Variants in ZNF841 observed in about 807,000 individuals in gnomAD.
The protein encoded by ZNF841 is zinc finger protein 841.
In ZNF841, 11 loss-of-function variants were observed where a neutral mutation model predicts 13.0. The observed-to-expected ratio is 0.85, with a 90% confidence interval of 0.53 to 1.40. The LOEUF (loss-of-function observed/expected upper bound fraction) is 1.40, where lower values mean the gene tolerates loss of function less well. Ranked by LOEUF, ZNF841 falls within the 40% of genes most tolerant of loss-of-function variation. The pLI is 0.00. For synonymous variants in ZNF841, 369 were observed against 381.6 expected, an observed-to-expected ratio of 0.97 and a Z score of 0.38; for missense variants, 1,068 against 1,139.5, an observed-to-expected ratio of 0.94 and a Z score of 0.90.
At chr19:52,082,298 A>G (rs933631318) in intron 4 of ZNF841, among the ~76,000 whole-genome samples, 8 of 152,184 alleles carry the variant, frequency 5.3e-5, no homozygotes, top group Admixed American at 1.3e-4. Flanking sequence ...ACTGTTGTAT[A>G]AAAAAAGAAC....
chr19:52,087,773 G>T (rs2088326424), intron 3 of ZNF841, among the ~76,000 whole-genome samples: 1 of 151,924 alleles, frequency 6.6e-6, no homozygotes, highest in Admixed American at 6.6e-5. Flanking sequence ...ATCACCTGAG[G>T]TCAGGAGATT....
chr19:52,086,881 A>C lies in ZNF841; in HGVS notation c.-77-2003T>G, dbSNP rs569153557. On this transcript the variant is annotated intron_variant, in intron 3 of 6. Transcript: ENST00000594440. ...AGTTATCAGTGGAATGGTGGATATG[A>C]AAGTTTCATCCAATGCATTCAAGAC... Among the ~76,000 whole-genome samples the C allele has an allele frequency of 9.2e-5, 14 of 152,376 alleles. No individual in the cohort carries two copies. The South Asian group carries it at 1.7e-3, about 18-fold the overall frequency.
downstream of ZNF841, among the ~76,000 whole-genome samples, chr19:52,059,929 T>C (rs1237904987): frequency 1.3e-5 from 2 of 152,196 alleles, no homozygotes; most frequent in Middle Eastern, 3.2e-3. Flanking sequence ...AGTGTGACTT[T>C]TGTAACTTTA....
At chr19:52,091,948 G>A (rs899407581) in intron 2 of ZNF841, among the ~76,000 whole-genome samples, 1 of 152,158 alleles carries the variant, frequency 6.6e-6, no homozygotes, top group Non-Finnish European at 1.5e-5. Context: ...TCAGGAGTTC[G>A]AGACCAGCCT....
intron 1 of ZNF841, among the ~76,000 whole-genome samples, chr19:52,094,812 G>A (rs1057283388): frequency 1.3e-5 from 2 of 151,792 alleles, no homozygotes; most frequent in East Asian, 1.9e-4. Context: ...CTCCTTTGCC[G>A]CCCCACTCTA....
Position 52,066,095 on chromosome 19 carries a change from G to A in ZNF841, c.1787C>T (p.Pro596Leu), listed in dbSNP as rs909187008. ...CTTGCCACACACATTACATTTGTAA[G>A]GTTTCTCTCCGGTATGCATTCTTTG... ...RHQRMHTGEK[P>L]YKCNVCGKVF... The change falls in exon 7 of 7, where the codon CCT (proline) becomes CTT (leucine). Residue 596 changes from proline (P) to leucine (L), a missense_variant. Coordinates refer to ENST00000594440, the MANE Select transcript of ZNF841 (RefSeq NM_001136499.2). The A allele has an allele frequency of 6.2e-7, 1 of 1,614,176 alleles. No homozygotes were observed. The highest frequency in any genetic ancestry group is 8.5e-7 in the Non-Finnish European group (1 of 1,180,026).
chr19:52,092,527 T>G (rs374317803), intron 2 of ZNF841, among the ~76,000 whole-genome samples: 30 of 152,184 alleles, frequency 2.0e-4, no homozygotes, highest in East Asian at 1.7e-3. Flanking sequence ...AATGAGCCCT[T>G]GTACACTGTT....
chr19:52,074,066 GA>G (rs1320657544), intron 6 of ZNF841, among the ~76,000 whole-genome samples: 1 of 152,160 alleles, frequency 6.6e-6, no homozygotes, highest in Non-Finnish European at 1.5e-5. Flanking sequence ...AGGTGAAACA[GA>G]AGTAAAAGGA....
At position 52,066,241 on chromosome 19, in the gene ZNF841, G is replaced by A; in HGVS notation, c.1641C>T (p.Gly547=). Residue 547 remains glycine (G), a synonymous_variant, in exon 7 of 7, where the codon GGC becomes GGT. Coordinates refer to ENST00000594440, the MANE Select transcript of ZNF841 (RefSeq NM_001136499.2). ...GEKPYKCNVC[G]KVFNYGGYLS... Reference sequence around the variant, plus strand: ...GGTATCCACCGTAATTAAAGACCTTGCCACACACATTACATTTGTAAGGTT... The same window carrying A: ...GGTATCCACCGTAATTAAAGACCTTACCACACACATTACATTTGTAAGGTT... 6.2e-7 allele frequency: 1 copy of A among 1,614,050 alleles called. No homozygotes were observed. The highest frequency in any genetic ancestry group is 1.1e-5 in the South Asian group (1 of 91,076).
intron 6 of ZNF841, among the ~76,000 whole-genome samples, chr19:52,070,449 A>C (rs1380863666): frequency 6.6e-6 from 1 of 152,202 alleles, no homozygotes. Context: ...TGGTGGAAGA[A>C]GGGGTCAGCT....
In ZNF841 at chr19:52,067,099, G is replaced by A. The variant is rs1392928450; in HGVS notation, c.783C>T (p.Tyr261=). ...DEKTHIREKP[Y]IGNECGKAFR... ...AGGCTTTGCCACACTCATTACCTAT[G>A]TAAGGTTTTTCCCTAATATGTGTTT... The change falls in exon 7 of 7, where the codon TAC becomes TAT. Residue 261 remains tyrosine, a synonymous_variant. Coordinates refer to ENST00000594440, the MANE Select transcript of ZNF841 (RefSeq NM_001136499.2). 1 of 1,592,014 alleles carries A rather than the reference G, an allele frequency of 6.3e-7. No homozygotes were observed. Among genetic ancestry groups the A allele is most frequent in the Non-Finnish European group, 8.6e-7 (1 of 1,167,716 alleles).
rs555278452 is a variant in ZNF841 at position 52,074,526 on chromosome 19, T to TC, written c.271+1517_271+1518insG. On this transcript the variant is annotated intron_variant, in intron 6 of 6. Coordinates refer to ENST00000594440, the MANE Select transcript of ZNF841 (RefSeq NM_001136499.2). ...GACAATGTTCTTCCCGGGAGAAATT[T>TC]TTTTTTTTGAGACAAAGTCTCGCTC... 2.9e-3 allele frequency among the ~76,000 whole-genome samples: 438 copies of TC among 152,038 alleles called. 4 individuals are homozygous for TC. The highest frequency in any genetic ancestry group is 0.014 in the South Asian group (66 of 4,794).
At chr19:52,060,012 C>T (rs756784915), downstream of ZNF841, among the ~76,000 whole-genome samples, 14 of 152,178 alleles carry the variant, frequency 9.2e-5, no homozygotes, top group Non-Finnish European at 1.5e-4. Context: ...AAGCAGCCAA[C>T]GGGAAACCTC....
At chr19:52,079,431 TAAAA>T (rs35306980) in intron 4 of ZNF841, among the ~76,000 whole-genome samples, 17 of 83,198 alleles carry the variant, frequency 2.0e-4, no homozygotes, top group Admixed American at 9.3e-4. Context: ...AGGAAATCTG[TAAAA>T]AAAAAAAAAA....
intron 3 of ZNF841, among the ~76,000 whole-genome samples, chr19:52,087,698 CAGAG>C (rs2088322355): frequency 6.6e-6 from 1 of 151,944 alleles, no homozygotes; most frequent in South Asian, 2.1e-4. Context: ...AAAAAATAAA[CAGAG>C]AGGCCCGGCG....
At chr19:52,061,354 C>A (rs1226274197), downstream of ZNF841, among the ~76,000 whole-genome samples, 1 of 152,116 alleles carries the variant, frequency 6.6e-6, no homozygotes, top group Non-Finnish European at 1.5e-5. Flanking sequence ...GTCTTGGTAG[C>A]CTTAATTATG....
downstream of ZNF841, among the ~76,000 whole-genome samples, chr19:52,064,066 C>A (rs565937229): frequency 6.6e-6 from 1 of 151,944 alleles, no homozygotes; most frequent in African/African-American, 2.4e-5. Context: ...ATATTCTGGC[C>A]GGGCGCAGTG....
rs1401547907 is a variant in ZNF841, at chr19:52,067,221, A to G, written c.661T>C (p.Ser221Pro). 2 of 1,549,834 alleles carry G rather than the reference A, an allele frequency of 1.3e-6. No homozygotes were observed. Among genetic ancestry groups the G allele is most frequent in the East Asian group, 2.4e-5 (1 of 40,908 alleles). ...ERTVNNCFLA[S>P]PLQRIFPGVQ... The stretch of plus-strand genomic sequence containing the variant: ...CCAGGAAAAATTCTTTGAAGTGGTG[A>G]AGCTAAAAAACAATTATTAACTGTC... The change falls in exon 7 of 7, where the codon TCA (serine) becomes CCA (proline). Residue 221 changes from serine (S) to proline (P), a missense_variant. Ser to Pro is a moderately conservative substitution (Grantham distance 74). Coordinates refer to ENST00000594440, the MANE Select transcript of ZNF841 (RefSeq NM_001136499.2).
At chr19:52,092,008 T>C (rs2088511411) in intron 2 of ZNF841, among the ~76,000 whole-genome samples, 1 of 151,894 alleles carries the variant, frequency 6.6e-6, no homozygotes, top group African/African-American at 2.4e-5. Context: ...CTGGGAGTGG[T>C]GGTGCAACCT....
Sources: allele counts gnomAD v4.1 joint callset (sites outside exome capture counted in the v4.1 genomes callset), GRCh38; gene constraint gnomAD v4.1.1; transcripts MANE v1.5; gene names NCBI Gene and HGNC (gene_info 2026-07-23, HGNC 2026-07-21).